TNFAIP8: variants seen among roughly 807,000 people sequenced by gnomAD.
TNFAIP8 encodes tumor necrosis factor alpha-induced protein 8.
A neutral mutation model predicts 13.3 loss-of-function variants in TNFAIP8; 7 were observed. The observed-to-expected ratio is 0.52, with a 90% CI of 0.30 to 0.99. TNFAIP8 has a LOEUF of 0.99. TNFAIP8 is among the 50% of genes least tolerant of loss of function. TNFAIP8 has a pLI of 0.07. For synonymous variants in TNFAIP8, 94 were observed against 87.6 expected, an observed-to-expected ratio of 1.07 and a Z score of -0.41; for missense variants, 258 against 236.9, an observed-to-expected ratio of 1.09 and a Z score of -0.58.
At chr5:119,330,194 A>G (rs1750332973) in intron 1 of TNFAIP8, among the ~76,000 whole-genome samples, 1 of 152,184 alleles carries the variant, frequency 6.6e-6, no homozygotes, top group South Asian at 2.1e-4. Context: ...TTGAACAGAA[A>G]GAAAATGAAA....
rs145000341 is a variant in TNFAIP8 at position 119,389,532 on chromosome 5, A to C, written c.32-3284A>C. 8.5e-5 allele frequency among the ~76,000 whole-genome samples: 13 copies of C among 152,354 alleles called. No homozygotes were observed. In the East Asian group the frequency reaches 2.5e-3, roughly 29 times the overall value. ...CAAATGAGCCTGCACAGGAATGGCT[A>C]ACAGCAGTTAATTTGCAAGAAAAAG... On this transcript the variant is annotated intron_variant, in intron 1 of 1. Coordinates refer to ENST00000504771, the MANE Select transcript of TNFAIP8 (RefSeq NM_014350.4).
intron 1 of TNFAIP8, among the ~76,000 whole-genome samples, chr5:119,292,087 TGA>T (rs973513428): frequency 1.7e-4 from 26 of 152,130 alleles, no homozygotes; most frequent in African/African-American, 6.3e-4. Context: ...GGCTCAGAAA[TGA>T]GAGTTCCCCA....
At chr5:119,345,794 T>A (rs1458360481) in intron 1 of TNFAIP8, among the ~76,000 whole-genome samples, 2 of 152,228 alleles carry the variant, frequency 1.3e-5, no homozygotes, top group Non-Finnish European at 2.9e-5. Context: ...TGGTGATGAT[T>A]GTACAACAAT....
chr5:119,302,820 T>C (rs1343894236), intron 1 of TNFAIP8, among the ~76,000 whole-genome samples: 1 of 152,210 alleles, frequency 6.6e-6, no homozygotes, highest in Non-Finnish European at 1.5e-5. Context: ...GAGAATGCTT[T>C]TTATATATTC....
At chr5:119,389,867 A>G (rs1309370763) in intron 1 of TNFAIP8, among the ~76,000 whole-genome samples, 1 of 152,220 alleles carries the variant, frequency 6.6e-6, no homozygotes, top group African/African-American at 2.4e-5. Context: ...CAACTTCTCT[A>G]TCTTGATTCA....
At position 119,336,961 on chromosome 5, in the gene TNFAIP8, T is replaced by G. The variant is rs542423202; in HGVS notation, c.2-55855T>G. Among the ~76,000 whole-genome samples the G allele has an allele frequency of 5.8e-4, 88 of 152,342 alleles. 1 individual carries two copies. Among genetic ancestry groups the G allele is most frequent in the Non-Finnish European group, 7.1e-4 (48 of 68,024 alleles). On this transcript the variant is annotated intron_variant, in intron 1 of 1. Coordinates refer to the TNFAIP8 transcript ENST00000274456. ...GCCTTTTTTTCCCCTTCTATCTCCT[T>G]TAGATCTTATGACCATTGTCCTCTG...
intron 1 of TNFAIP8, among the ~76,000 whole-genome samples, chr5:119,310,867 C>T (rs1329069191): frequency 2.6e-5 from 4 of 152,102 alleles, no homozygotes; most frequent in African/African-American, 9.7e-5. Flanking sequence ...TCTCTGAGAG[C>T]AGGGGTTGGC....
chr5:119,380,946 G>A (rs1752461296), intron 1 of TNFAIP8, among the ~76,000 whole-genome samples: 1 of 152,154 alleles, frequency 6.6e-6, no homozygotes, highest in Non-Finnish European at 1.5e-5. Context: ...AATTAAATCT[G>A]TCCATAATCT....
chr5:119,281,416 G>C (rs1429980730), intron 1 of TNFAIP8, among the ~76,000 whole-genome samples: 1 of 151,964 alleles, frequency 6.6e-6, no homozygotes, highest in Non-Finnish European at 1.5e-5. Context: ...TAGGGTTTCT[G>C]TTTAACCTCT....
chr5:119,373,431 G>A (rs1474996612), intron 1 of TNFAIP8, among the ~76,000 whole-genome samples: 1 of 152,178 alleles, frequency 6.6e-6, no homozygotes, highest in Non-Finnish European at 1.5e-5. Flanking sequence ...GTCAAGACAG[G>A]CATACAACGG....
upstream of TNFAIP8, chr5:119,355,816 C>G: frequency 1.1e-5 from 9 of 849,706 alleles, no homozygotes; most frequent in Non-Finnish European, 1.3e-5. Context: ...GAGCCAGCCC[C>G]GCCAGGTCGC....
At chr5:119,372,976 A>T (rs1420270961) in intron 1 of TNFAIP8, among the ~76,000 whole-genome samples, 1 of 152,200 alleles carries the variant, frequency 6.6e-6, no homozygotes, top group African/African-American at 2.4e-5. Flanking sequence ...TAAAATAAAT[A>T]AATAATAAAG....
chr5:119,362,460 C>T (rs1751671071), intron 1 of TNFAIP8, among the ~76,000 whole-genome samples: 1 of 152,090 alleles, frequency 6.6e-6, no homozygotes, highest in South Asian at 2.1e-4. Flanking sequence ...TCTGTGCAAC[C>T]TTCAATAGCT....
At chr5:119,280,333 A>T (rs1430502901) in intron 1 of TNFAIP8, among the ~76,000 whole-genome samples, 1 of 93,328 alleles carries the variant, frequency 1.1e-5, no homozygotes, top group East Asian at 2.3e-4. Flanking sequence ...TTACCCATTA[A>T]AAAAAAAAAA....
chr5:119,348,773 G>A (rs1334429342), intron 1 of TNFAIP8, among the ~76,000 whole-genome samples: 3 of 151,532 alleles, frequency 2.0e-5, no homozygotes, highest in African/African-American at 2.4e-5. Flanking sequence ...TCAGCTACTC[G>A]GGAGATTGAG....
intron 1 of TNFAIP8, among the ~76,000 whole-genome samples, chr5:119,298,640 C>T (rs1376249184): frequency 1.3e-5 from 2 of 152,018 alleles, no homozygotes; most frequent in African/African-American, 4.8e-5. Flanking sequence ...TTTCCTGAAT[C>T]TGAATGTTGG....
In TNFAIP8 at chr5:119,377,573, G is replaced by A. The variant is rs115521602; in HGVS notation, c.32-15243G>A. ...TTGTAAATTTGTCAAATTTACCACC[G>A]CTCTGTGACTTAGTTGACACATTCT... On this transcript the variant is annotated intron_variant, in intron 1 of 1. Coordinates refer to ENST00000504771, the MANE Select transcript of TNFAIP8 (RefSeq NM_014350.4). Among the ~76,000 whole-genome samples the A allele has an allele frequency of 6.7e-3, 1,014 of 152,088 alleles. 8 individuals carry two copies. Among genetic ancestry groups the A allele is most frequent in the African/African-American group, 0.023 (959 of 41,468 alleles).
chr5:119,337,020 A>G (rs969275295), intron 1 of TNFAIP8, among the ~76,000 whole-genome samples: 16 of 152,202 alleles, frequency 1.1e-4, no homozygotes, highest in Non-Finnish European at 1.9e-4. Flanking sequence ...TCACTTTATG[A>G]TGAAAGTCTG....
chr5:119,385,738 G>C (rs1310159666), intron 1 of TNFAIP8, among the ~76,000 whole-genome samples: 1 of 152,200 alleles, frequency 6.6e-6, no homozygotes, highest in Non-Finnish European at 1.5e-5. Flanking sequence ...CTGGCATTTT[G>C]CATTTCTCAG....
Sources: gnomAD v4.1 joint callset for allele counts (sites outside exome capture counted in the v4.1 genomes callset) on GRCh38, gnomAD v4.1.1 for gene constraint, MANE v1.5 for transcripts, NCBI Gene and HGNC (gene_info 2026-07-23, HGNC 2026-07-21) for gene names.